CDC14A: variants seen among roughly 807,000 people sequenced by gnomAD.
The protein encoded by CDC14A is dual specificity protein phosphatase CDC14A.
Under a neutral mutation model 74.4 loss-of-function variants are expected in CDC14A, and 53 were observed. The observed-to-expected ratio is 0.71, with a 90% CI of 0.57 to 0.89. CDC14A has a LOEUF of 0.89. Ranked by LOEUF, CDC14A falls within the 40% of genes least tolerant of loss-of-function variation. The probability of loss-of-function intolerance (pLI) is 0.00; values close to 1 mark genes in which losing one functional copy is unlikely to be tolerated. For synonymous variants in CDC14A, 247 were observed against 258.4 expected (o/e 0.96, Z 0.43); for missense variants, 646 against 713.7 (o/e 0.91, Z 1.08).
chr1:100,392,816 G>C (rs1377663248), intron 4 of CDC14A, among the ~76,000 whole-genome samples: 1 of 152,026 alleles, frequency 6.6e-6, no homozygotes, highest in Non-Finnish European at 1.5e-5. Context: ...AAGCCTAAAG[G>C]TTTTTCTTTT....
At position 100,469,963 on chromosome 1, in the gene CDC14A, A is replaced by G. The variant is rs1018249554; in HGVS notation, c.977+1869A>G. On this transcript the variant is annotated intron_variant, in intron 10 of 15. Coordinates refer to ENST00000336454, the MANE Select transcript of CDC14A (RefSeq NM_003672.4). The stretch of plus-strand genomic sequence containing the variant: ...TTATAGATACTTAAGCTGTATATAA[A>G]GAACTCTCAAAACTCAAGAAAACAA... Among the ~76,000 whole-genome samples, 3 of 152,256 alleles carry G rather than the reference A, an allele frequency of 2.0e-5. No homozygotes were observed. In the East Asian group the frequency reaches 5.8e-4, roughly 29 times the overall value.
chr1:100,464,837 A>G (rs528522071), intron 9 of CDC14A, among the ~76,000 whole-genome samples: 1 of 151,608 alleles, frequency 6.6e-6, no homozygotes, highest in African/African-American at 2.4e-5. Flanking sequence ...TATTACAGAT[A>G]TTTTCTCTAT....
chr1:100,345,792 C>T (rs980466319), intron 1 of CDC14A, among the ~76,000 whole-genome samples: 5 of 152,130 alleles, frequency 3.3e-5, no homozygotes, highest in African/African-American at 4.8e-5. Context: ...TTAAATGAAA[C>T]CGAACTATTA....
rs575570062 is a variant in CDC14A at position 100,435,594 on chromosome 1, C to T, written c.390-4338C>T. Among the ~76,000 whole-genome samples, 9 of 152,002 alleles carry T rather than the reference C, an allele frequency of 5.9e-5. No individual in the cohort carries two copies. The South Asian group carries it at 1.0e-3, about 17-fold the overall frequency. On this transcript the variant is annotated intron_variant, in intron 5 of 15. Transcript: ENST00000336454. ...CTGTAATCCCAGCACTTTGGGAGGC[C>T]GAGGTGGGCGGATCGCCTGAGGTCA...
chr1:100,468,021 G>C lies in CDC14A; in HGVS notation c.904G>C (p.Ala302Pro). ...AATGAAACACTACAGGTTTACACAT[G>C]CTGAAATAATTGCTTGGATTAGAAT... ...YVMKHYRFTHAEIIAWIRICR... is the reference protein window; with the variant it reads ...YVMKHYRFTHPEIIAWIRICR... Residue 302 changes from alanine (A) to proline (P), a missense_variant, in exon 10 of 16, where the codon GCT becomes CCT. Ala to Pro is a conservative substitution (Grantham distance 27). Coordinates refer to ENST00000336454, the MANE Select transcript of CDC14A (RefSeq NM_003672.4). 6.2e-7 allele frequency: 1 copy of C among 1,613,118 alleles called. No homozygotes were observed. Among genetic ancestry groups the C allele is most frequent in the Non-Finnish European group, 8.5e-7 (1 of 1,179,628 alleles).
At chr1:100,392,714 T>C (rs113444503) in intron 4 of CDC14A, among the ~76,000 whole-genome samples, 10 of 152,338 alleles carry the variant, frequency 6.6e-5, no homozygotes, top group African/African-American at 2.4e-4. Context: ...GTTGAAAGTT[T>C]TGAATAAAGA....
chr1:100,386,599 C>T (rs1656908260), intron 3 of CDC14A, among the ~76,000 whole-genome samples: 1 of 152,066 alleles, frequency 6.6e-6, no homozygotes, highest in Admixed American at 6.6e-5. Flanking sequence ...AGTTCAAGAC[C>T]AGCCTAGCCA....
intron 4 of CDC14A, among the ~76,000 whole-genome samples, chr1:100,422,706 T>G (rs1296557466): frequency 6.6e-6 from 1 of 152,222 alleles, no homozygotes; most frequent in Non-Finnish European, 1.5e-5. Context: ...TAAGCTTTGG[T>G]TGGTGTGTGC....
chr1:100,411,253 G>A (rs1467460530), intron 4 of CDC14A, among the ~76,000 whole-genome samples: 1 of 152,036 alleles, frequency 6.6e-6, no homozygotes, highest in East Asian at 1.9e-4. Context: ...ATAGTGCAAG[G>A]GAACACTGTT....
At chr1:100,376,134 AC>A (rs1156337357) in intron 2 of CDC14A, among the ~76,000 whole-genome samples, 3 of 148,818 alleles carry the variant, frequency 2.0e-5, no homozygotes, top group Non-Finnish European at 4.5e-5. Context: ...AACATCACAC[AC>A]CAGGGCCTGC....
At chr1:100,379,409 T>C (rs918333341) in intron 3 of CDC14A, among the ~76,000 whole-genome samples, 31 of 152,206 alleles carry the variant, frequency 2.0e-4, no homozygotes, top group African/African-American at 7.0e-4. Context: ...TTTAGGACAA[T>C]TAATGGGCAC....
intron 15 of CDC14A, among the ~76,000 whole-genome samples, chr1:100,516,603 G>T (rs1033823938): frequency 1.2e-4 from 18 of 152,052 alleles, no homozygotes; most frequent in African/African-American, 4.3e-4. Flanking sequence ...TCTTATAGCT[G>T]GGGGACTTAA....
chr1:100,345,335 GTATT>G (rs1224018131), intron 1 of CDC14A: 6 of 151,958 alleles, frequency 3.9e-5, no homozygotes, highest in African/African-American at 1.5e-4. Context: ...AATAATATTT[GTATT>G]TATTAATATA....
chr1:100,497,003 G>A (rs981173335), intron 13 of CDC14A, among the ~76,000 whole-genome samples: 2 of 152,204 alleles, frequency 1.3e-5, no homozygotes, highest in African/African-American at 4.8e-5. Flanking sequence ...ATCCAGCATT[G>A]TGCTAGCCAC....
At chr1:100,498,006 T>G in intron 13 of CDC14A, 79 bp from the exon 14 acceptor site, 1 of 1,445,180 alleles carries the variant, frequency 6.9e-7, no homozygotes, top group South Asian at 1.3e-5. Context: ...ATTGATTAAT[T>G]TATCTTGTCC....
chr1:100,461,643 G>A (rs1267129166), intron 8 of CDC14A, among the ~76,000 whole-genome samples: 1 of 152,048 alleles, frequency 6.6e-6, no homozygotes. Flanking sequence ...TGCCTTGGCT[G>A]ATTAGCTAAG....
chr1:100,471,728 G>T (rs1668418137), intron 10 of CDC14A, among the ~76,000 whole-genome samples: 1 of 152,124 alleles, frequency 6.6e-6, no homozygotes, highest in Non-Finnish European at 1.5e-5. Context: ...AAGGTGACAT[G>T]TTAGAGCAAC....
chr1:100,414,493 T>G (rs1198834545), intron 4 of CDC14A, among the ~76,000 whole-genome samples: 2 of 152,236 alleles, frequency 1.3e-5, no homozygotes, highest in African/African-American at 4.8e-5. Flanking sequence ...TACAAAGTTA[T>G]GGTTCCTTGC....
chr1:100,503,914 C>G (rs1649002929), intron 15 of CDC14A, among the ~76,000 whole-genome samples: 1 of 152,220 alleles, frequency 6.6e-6, no homozygotes, highest in South Asian at 2.1e-4. Flanking sequence ...TAGTCATCTA[C>G]ATTGACCTTA....
Sources: gnomAD v4.1 joint callset for allele counts (sites outside exome capture counted in the v4.1 genomes callset) on GRCh38, gnomAD v4.1.1 for gene constraint, MANE v1.5 for transcripts, NCBI Gene and HGNC (gene_info 2026-07-23, HGNC 2026-07-21) for gene names.